The following SLC25A21 variants were observed in gnomAD, a reference collection of about 807,000 sequenced individuals.
SLC25A21 encodes mitochondrial 2-oxodicarboxylate carrier.
SLC25A21 carries 47 observed loss-of-function variants against 43.8 expected under a neutral mutation model. The observed-to-expected ratio is 1.07, with a 90% CI of 0.85 to 1.37. The LOEUF (loss-of-function observed/expected upper bound fraction) is 1.37, where lower values mean the gene tolerates loss of function less well. SLC25A21 is among the 40% of genes most tolerant of loss of function. The probability of loss-of-function intolerance (pLI) is 0.00; values close to 1 mark genes in which losing one functional copy is unlikely to be tolerated. For missense variants in SLC25A21, 352 were observed against 350.2 expected, an observed-to-expected ratio of 1.00 and a Z score of -0.04; for synonymous variants, 131 against 121.3, an observed-to-expected ratio of 1.08 and a Z score of -0.52.
At chr14:36,795,014 A>T (rs1184535968) in intron 3 of SLC25A21, among the ~76,000 whole-genome samples, 1 of 152,126 alleles carries the variant, frequency 6.6e-6, no homozygotes, top group Non-Finnish European at 1.5e-5. Flanking sequence ...GCTAGTAAAA[A>T]CTTTATTTAT....
chr14:36,719,701 A>G (rs909077906), intron 6 of SLC25A21, among the ~76,000 whole-genome samples: 3 of 152,184 alleles, frequency 2.0e-5, no homozygotes, highest in Admixed American at 6.5e-5. Flanking sequence ...CACCTATTAA[A>G]ATATTTTATA....
chr14:36,891,073 A>G (rs1358854410), intron 1 of SLC25A21, among the ~76,000 whole-genome samples: 1 of 152,202 alleles, frequency 6.6e-6, no homozygotes, highest in Admixed American at 6.6e-5. Context: ...ATATTCCAAG[A>G]CAAGGTTAGA....
At chr14:37,117,851 A>G (rs913452553) in intron 1 of SLC25A21, among the ~76,000 whole-genome samples, 5 of 89,926 alleles carry the variant, frequency 5.6e-5, no homozygotes, top group African/African-American at 1.5e-4. Context: ...TTCACCAAAC[A>G]TAGTTTTTTT....
intron 1 of SLC25A21, among the ~76,000 whole-genome samples, chr14:37,048,542 T>C (rs1413560968): frequency 2.0e-5 from 3 of 152,056 alleles, no homozygotes; most frequent in Admixed American, 1.3e-4. Flanking sequence ...TGACCTACAT[T>C]ATTCAACAGA....
chr14:36,794,604 C>T (rs1194693412), intron 3 of SLC25A21, among the ~76,000 whole-genome samples: 1 of 151,958 alleles, frequency 6.6e-6, no homozygotes, highest in Non-Finnish European at 1.5e-5. Flanking sequence ...CCTGTCTCCA[C>T]CAAAAACACA....
rs575475924 is a variant in SLC25A21 at position 36,731,351 on chromosome 14, C to G, written c.271-1785G>C. Among the ~76,000 whole-genome samples the G allele has an allele frequency of 6.1e-4, 93 of 152,286 alleles. 1 individual carries two copies. The highest frequency in any genetic ancestry group is 1.1e-3 in the Non-Finnish European group (76 of 68,012). On this transcript the variant is annotated intron_variant, in intron 4 of 9. Transcript: ENST00000331299. ...TTGCTGGCATTTTGAAATGAGCAGT[C>G]CTAGAGCTGAATCCAGGTTATGCTG... is the stretch of plus-strand genomic sequence containing the variant.
At chr14:37,166,468 A>C (rs1308330837) in intron 1 of SLC25A21, among the ~76,000 whole-genome samples, 8 of 152,204 alleles carry the variant, frequency 5.3e-5, no homozygotes, top group African/African-American at 1.9e-4. Context: ...TGTATGTGCA[A>C]CTATGGCATG....
chr14:36,974,971 T>C (rs997113005), intron 1 of SLC25A21, among the ~76,000 whole-genome samples: 2 of 152,160 alleles, frequency 1.3e-5, no homozygotes, highest in Non-Finnish European at 2.9e-5. Context: ...ATGGCAATGA[T>C]GATGGTGATG....
chr14:36,863,736 CT>C (rs1890137312), intron 2 of SLC25A21, among the ~76,000 whole-genome samples: 1 of 152,264 alleles, frequency 6.6e-6, no homozygotes, highest in African/African-American at 2.4e-5. Flanking sequence ...TCCTCAATGC[CT>C]CAGGCAATGA....
At position 36,802,390 on chromosome 14, in the gene SLC25A21, T is replaced by C. The variant is rs181958251; in HGVS notation, c.203+11528A>G. Among the ~76,000 whole-genome samples, 159 of 152,270 alleles carry C rather than the reference T, an allele frequency of 1.0e-3. 1 individual carries two copies. Among genetic ancestry groups the C allele is most frequent in the Admixed American group, 1.4e-3 (22 of 15,272 alleles). ...CATAACTATGAATAGTTACGAGTAA[T>C]TGGCTACAATATAAGGTACTAAAAA... On this transcript the variant is annotated intron_variant, in intron 3 of 9. Coordinates refer to ENST00000331299, the MANE Select transcript of SLC25A21 (RefSeq NM_030631.4).
In SLC25A21 at chr14:36,858,630, T is replaced by C. The variant is rs1324612652; in HGVS notation, c.119+16326A>G. ...GTTCTGGCTCATTTCCTGAGAGTTA[T>C]GTTTGATTTGGGAATGCTTCCCTCT... On this transcript the variant is annotated intron_variant, in intron 2 of 9. Coordinates refer to ENST00000331299, the MANE Select transcript of SLC25A21 (RefSeq NM_030631.4). Among the ~76,000 whole-genome samples, 5 of 152,172 alleles carry C rather than the reference T, an allele frequency of 3.3e-5. No homozygotes were observed. The South Asian group carries it at 6.2e-4, about 19-fold the overall frequency.
chr14:37,064,194 C>G (rs1477449028), intron 1 of SLC25A21, among the ~76,000 whole-genome samples: 2 of 152,116 alleles, frequency 1.3e-5, no homozygotes, highest in East Asian at 3.9e-4. Flanking sequence ...CTTCTCCTCC[C>G]TTGGACATCA....
intron 3 of SLC25A21, chr14:36,788,889 T>C (rs1261632797): frequency 6.6e-6 from 1 of 152,156 alleles, no homozygotes; most frequent in Non-Finnish European, 1.5e-5. Context: ...GTTTTCCAAC[T>C]GTCAGGGTTT....
intron 1 of SLC25A21, among the ~76,000 whole-genome samples, chr14:36,981,509 T>C (rs1036865638): frequency 1.3e-5 from 2 of 152,116 alleles, no homozygotes; most frequent in Non-Finnish European, 2.9e-5. Context: ...TATGCAGCCA[T>C]AAAAAAGGAT....
chr14:36,872,739 T>A (rs185647807), intron 2 of SLC25A21, among the ~76,000 whole-genome samples: 5 of 152,374 alleles, frequency 3.3e-5, no homozygotes, highest in African/African-American at 1.2e-4. Context: ...TGACTAACTC[T>A]AATGAATGAA....
At chr14:37,107,096 A>G (rs1035955713) in intron 1 of SLC25A21, among the ~76,000 whole-genome samples, 1 of 152,214 alleles carries the variant, frequency 6.6e-6, no homozygotes, top group African/African-American at 2.4e-5. Context: ...ATGTTCTTGG[A>G]ATAAAAAGAG....
At position 36,878,217 on chromosome 14, in the gene SLC25A21, A is replaced by C. The variant is rs143842332; in HGVS notation, c.71-3213T>G. On this transcript the variant is annotated intron_variant, in intron 1 of 9. Coordinates refer to ENST00000331299, the MANE Select transcript of SLC25A21 (RefSeq NM_030631.4). ...TAGATTTGAGAGTCAATGGCCATCT[A>C]TGAAACTACCTGCAAAACTGTGACA... Among the ~76,000 whole-genome samples, 49 of 152,292 alleles carry C rather than the reference A, an allele frequency of 3.2e-4. 1 individual carries two copies. The East Asian group carries it at 9.1e-3, about 28-fold the overall frequency.
intron 1 of SLC25A21, among the ~76,000 whole-genome samples, chr14:36,984,736 A>C (rs1960106784): frequency 6.6e-6 from 1 of 152,104 alleles, no homozygotes; most frequent in South Asian, 2.1e-4. Context: ...GAAAGAATAC[A>C]AAGAACTATA....
At chr14:36,724,109 G>A (rs909036081) in intron 6 of SLC25A21, among the ~76,000 whole-genome samples, 11 of 151,980 alleles carry the variant, frequency 7.2e-5, no homozygotes, top group Admixed American at 3.3e-4. Context: ...CATCTTTTTC[G>A]TTTATTCAAG....
Sources: gnomAD v4.1 joint callset for allele counts (sites outside exome capture counted in the v4.1 genomes callset) on GRCh38, gnomAD v4.1.1 for gene constraint, MANE v1.5 for transcripts, NCBI Gene and HGNC (gene_info 2026-07-23, HGNC 2026-07-21) for gene names.